Variants in SUCLG2 observed in about 807,000 individuals in gnomAD.
SUCLG2 encodes the protein succinate--CoA ligase [GDP-forming] subunit beta, mitochondrial.
SUCLG2 carries 42 observed loss-of-function variants against 47.9 expected under a neutral mutation model. The observed-to-expected ratio is 0.88, with a 90% CI of 0.69 to 1.14. The LOEUF is 1.14. Ranked by LOEUF, SUCLG2 falls within the 50% of genes most tolerant of loss-of-function variation. The probability of loss-of-function intolerance (pLI) is 0.00; values close to 1 mark genes in which losing one functional copy is unlikely to be tolerated. For missense variants in SUCLG2, 571 were observed against 525.9 expected (o/e 1.09, Z -0.84); for synonymous variants, 195 against 197.3 (o/e 0.99, Z 0.10).
chr3:67,563,285 G>A (rs1398665124), intron 2 of SUCLG2, among the ~76,000 whole-genome samples: 2 of 152,050 alleles, frequency 1.3e-5, no homozygotes, highest in East Asian at 1.9e-4. Flanking sequence ...AAAACAGTAT[G>A]GTCTCTTAAG....
chr3:67,372,306 A>C (rs1054966871), downstream of SUCLG2, among the ~76,000 whole-genome samples: 1 of 152,244 alleles, frequency 6.6e-6, no homozygotes, highest in Non-Finnish European at 1.5e-5. Context: ...CAAGAGGAGC[A>C]ACTTTATCTC....
intron 9 of SUCLG2, among the ~76,000 whole-genome samples, chr3:67,449,603 GA>G (rs1232946192): frequency 1.3e-5 from 2 of 149,476 alleles, no homozygotes; most frequent in African/African-American, 2.5e-5. Flanking sequence ...GCTATTTGCT[GA>G]ATATTTTATT....
chr3:67,494,733 A>G (rs1705287062), intron 9 of SUCLG2, among the ~76,000 whole-genome samples: 2 of 152,252 alleles, frequency 1.3e-5, no homozygotes, highest in African/African-American at 4.8e-5. Flanking sequence ...CGTGTACATT[A>G]GACTTTCAAA....
chr3:67,650,058 A>G (rs1162409319), intron 1 of SUCLG2, among the ~76,000 whole-genome samples: 1 of 152,224 alleles, frequency 6.6e-6, no homozygotes, highest in Non-Finnish European at 1.5e-5. Flanking sequence ...TCTTCCCCAC[A>G]AGGAAGGTCA....
At chr3:67,519,347 C>T (rs1170943640) in intron 5 of SUCLG2, among the ~76,000 whole-genome samples, 1 of 152,202 alleles carries the variant, frequency 6.6e-6, no homozygotes, top group Admixed American at 6.5e-5. Context: ...AAACAATTAT[C>T]TTACTTGTTT....
intron 9 of SUCLG2, among the ~76,000 whole-genome samples, chr3:67,429,867 T>G (rs191719782): frequency 6.6e-6 from 1 of 152,098 alleles, no homozygotes; most frequent in African/African-American, 2.4e-5. Context: ...CATTATATAA[T>G]GGTAAAGGGA....
intron 2 of SUCLG2, among the ~76,000 whole-genome samples, chr3:67,545,084 A>G (rs1054108033): frequency 2.6e-5 from 4 of 152,186 alleles, no homozygotes; most frequent in Admixed American, 6.5e-5. Context: ...ACTCTCCTAT[A>G]AAAGTTCCTC....
intron 7 of SUCLG2, among the ~76,000 whole-genome samples, chr3:67,503,303 C>T (rs1012148908): frequency 6.6e-6 from 1 of 151,882 alleles, no homozygotes; most frequent in African/African-American, 2.4e-5. Context: ...AAGTGCATTC[C>T]ATTAACATGA....
intron 9 of SUCLG2, among the ~76,000 whole-genome samples, chr3:67,459,480 C>A (rs187622999): frequency 1.3e-5 from 2 of 152,290 alleles, no homozygotes; most frequent in African/African-American, 4.8e-5. Context: ...TCTTTCTTTA[C>A]TCTTTTTATG....
rs753043146 is a variant in SUCLG2, at chr3:67,498,202, G to C, written c.851C>G (p.Pro284Arg). ...FAMDDKSENE[P>R]IENEAAKYDL... ...ATATTTGGCAGCTTCATTTTCAATG[G>C]GCTCATTCTCTGATTTGTCGTCCAT... The change falls in exon 8 of 11, where the codon CCC (proline) becomes CGC (arginine). Residue 284 changes from proline (P) to arginine (R), a missense_variant. Physicochemically the swap from Pro to Arg is moderately radical, Grantham distance 103. Transcript: ENST00000307227. The C allele has an allele frequency of 4.2e-5, 68 of 1,613,452 alleles. No homozygotes were observed. The highest frequency in any genetic ancestry group is 5.3e-5 in the Non-Finnish European group (63 of 1,179,740).
In SUCLG2 at chr3:67,557,310, C is replaced by T. The variant is rs149352192; in HGVS notation, c.227-28124G>A. Reference sequence around the variant, plus strand: ...GCATCAATTTGAGATGAACAGAGATCGTTCTGATGTTTCTAATGAAGAGAA... The same window carrying T: ...GCATCAATTTGAGATGAACAGAGATTGTTCTGATGTTTCTAATGAAGAGAA... On this transcript the variant is annotated intron_variant, in intron 2 of 10. Coordinates refer to ENST00000307227, the MANE Select transcript of SUCLG2 (RefSeq NM_003848.4). Among the ~76,000 whole-genome samples, 662 of 152,214 alleles carry T rather than the reference C, an allele frequency of 4.3e-3. 10 individuals are homozygous for T. The East Asian group carries it at 0.051, about 12-fold the overall frequency.
chr3:67,455,223 A>C (rs1281574294), intron 9 of SUCLG2, among the ~76,000 whole-genome samples: 1 of 152,180 alleles, frequency 6.6e-6, no homozygotes, highest in African/African-American at 2.4e-5. Context: ...AGTATTTTCA[A>C]ATCCATAACT....
At chr3:67,530,394 T>C (rs950804828) in intron 2 of SUCLG2, among the ~76,000 whole-genome samples, 2 of 152,210 alleles carry the variant, frequency 1.3e-5, no homozygotes, top group South Asian at 2.1e-4. Flanking sequence ...CCTTTGTATA[T>C]TGTAAAGAAT....
intron 10 of SUCLG2, among the ~76,000 whole-genome samples, chr3:67,390,752 T>C (rs1702361845): frequency 6.6e-6 from 1 of 152,134 alleles, no homozygotes; most frequent in South Asian, 2.1e-4. Context: ...GAAATGTACA[T>C]TTATTGACAG....
chr3:67,551,265 C>T (rs561820516), intron 2 of SUCLG2, among the ~76,000 whole-genome samples: 6 of 152,186 alleles, frequency 3.9e-5, no homozygotes, highest in Admixed American at 1.3e-4. Flanking sequence ...TGGACTAATG[C>T]TTTTATGTGT....
At chr3:67,380,006 C>A (rs913649027) in intron 10 of SUCLG2, among the ~76,000 whole-genome samples, 1 of 152,196 alleles carries the variant, frequency 6.6e-6, no homozygotes. Flanking sequence ...TACGTGCTGA[C>A]CGACGGGGTA....
At chr3:67,622,939 G>A (rs1266851160) in intron 1 of SUCLG2, among the ~76,000 whole-genome samples, 2 of 152,192 alleles carry the variant, frequency 1.3e-5, no homozygotes, top group Non-Finnish European at 2.9e-5. Context: ...ATGGAAGAAG[G>A]CGAGGATATT....
intron 10 of SUCLG2, among the ~76,000 whole-genome samples, chr3:67,384,691 A>G (rs146998868): frequency 2.8e-3 from 426 of 152,302 alleles, no homozygotes; most frequent in African/African-American, 9.6e-3. Flanking sequence ...CTAGGAGAAA[A>G]AAACCCACCT....
chr3:67,392,874 T>C (rs66698903), intron 10 of SUCLG2, among the ~76,000 whole-genome samples: 1 of 151,508 alleles, frequency 6.6e-6, no homozygotes, highest in Non-Finnish European at 1.5e-5. Context: ...GAGAATATTG[T>C]CATGATCATA....
Sources: allele counts gnomAD v4.1 joint callset (sites outside exome capture counted in the v4.1 genomes callset), GRCh38; gene constraint gnomAD v4.1.1; transcripts MANE v1.5; gene names NCBI Gene and HGNC (gene_info 2026-07-23, HGNC 2026-07-21).